UNC80: variants seen among roughly 807,000 people sequenced by gnomAD.
The protein encoded by UNC80 is protein unc-80 homolog.
In UNC80, 164 loss-of-function variants were observed where a neutral mutation model predicts 384.6. That is an observed-to-expected ratio of 0.43 (90% CI 0.38 to 0.49). The LOEUF (loss-of-function observed/expected upper bound fraction) is 0.49, where lower values mean the gene tolerates loss of function less well. Among genes scored for constraint, UNC80 ranks in the 20% least tolerant of loss-of-function variants. The pLI is 0.00. For synonymous variants in UNC80, 1,486 were observed against 1,527.8 expected (o/e 0.97, Z 0.64); for missense variants, 3,330 against 4,143.0 (o/e 0.80, Z 5.39).
At chr2:209,850,358 GTAT>G (rs1559197158) in intron 22 of UNC80, among the ~76,000 whole-genome samples, 2 of 152,042 alleles carry the variant, frequency 1.3e-5, no homozygotes. Context: ...AGGAAAAAAA[GTAT>G]TTTATTTTAA....
chr2:209,819,159 A>G lies in UNC80; in HGVS notation c.1860A>G (p.Arg620=), dbSNP rs760808412. 6.4e-7 allele frequency: 1 copy of G among 1,552,234 alleles called. No homozygotes were observed. Among genetic ancestry groups the G allele is most frequent in the Non-Finnish European group, 8.7e-7 (1 of 1,147,116 alleles). Reference sequence around the variant, plus strand: ...CTCTGGCATGTGCTAACCTACCTCGAAGCCTCACAGACTCCTGCATAAACT... The same window carrying G: ...CTCTGGCATGTGCTAACCTACCTCGGAGCCTCACAGACTCCTGCATAAACT... The part of the protein sequence containing the change: ...HEPLACANLP[R]SLTDSCINYS... The change falls in exon 12 of 65, where the codon CGA becomes CGG. Residue 620 remains arginine, a synonymous_variant. Coordinates refer to ENST00000673920, the MANE Select transcript of UNC80 (RefSeq NM_001371986.1).
chr2:209,847,485 A>T (rs1023066978), intron 21 of UNC80, among the ~76,000 whole-genome samples: 7 of 152,012 alleles, frequency 4.6e-5, no homozygotes, highest in African/African-American at 1.7e-4. Context: ...TCCTGTGCTT[A>T]TAGGATTCTG....
chr2:209,884,543 A>C (rs2085598854), intron 25 of UNC80, among the ~76,000 whole-genome samples: 1 of 152,210 alleles, frequency 6.6e-6, no homozygotes, highest in Non-Finnish European at 1.5e-5. Context: ...TTATACAAAA[A>C]TTAACTCAAG....
chr2:209,951,834 T>C (rs1395452596), intron 47 of UNC80, among the ~76,000 whole-genome samples: 1 of 152,118 alleles, frequency 6.6e-6, no homozygotes, highest in Non-Finnish European at 1.5e-5. Flanking sequence ...TGTATATGTA[T>C]TTTTTCCTCC....
At chr2:209,843,130 T>G (rs1349472663) in intron 21 of UNC80, among the ~76,000 whole-genome samples, 1 of 152,200 alleles carries the variant, frequency 6.6e-6, no homozygotes, top group Non-Finnish European at 1.5e-5. Flanking sequence ...TCTAGATCCA[T>G]CACCATTCTG....
chr2:209,976,047 G>A lies in UNC80; in HGVS notation c.8588-72G>A. ...GAAAATTTCTAAAGGTGCATAAAGG[G>A]CTCTGGATGTAGGTTGGGTTCCTCG... On this transcript the variant is annotated intron_variant, in intron 56 of 64. Transcript: ENST00000673920. The surrounding 1 kb of genome is among the most constrained non-coding windows in gnomAD (Gnocchi z 4.3). 3.4e-6 allele frequency: 5 copies of A among 1,454,320 alleles called. No individual in the cohort carries two copies. The highest frequency in any genetic ancestry group is 2.8e-5 in the South Asian group (2 of 71,978). The allele number at this position is 1,454,320 out of a possible 1,614,324, so 90.1% of individuals were successfully genotyped here. A position where few individuals can be genotyped will look rare whatever the true frequency, so the allele number is the denominator to read the frequency against.
intron 6 of UNC80, among the ~76,000 whole-genome samples, chr2:209,791,471 C>CCTG (rs1252107111): frequency 6.6e-6 from 1 of 152,072 alleles, no homozygotes; most frequent in African/African-American, 2.4e-5. Context: ...ACTTATAGTG[C>CCTG]CTGCTCATTT....
Position 209,878,049 on chromosome 2 carries a change from A to T in UNC80, c.3936A>T (p.Arg1312Ser), listed in dbSNP as rs2084936896. The T allele has an allele frequency of 6.5e-7, 1 of 1,544,392 alleles. No homozygotes were observed. Residue 1312 changes from arginine to serine, a missense_variant, in exon 24 of 65, where the codon AGA becomes AGT. By Grantham distance (110) the Arg-to-Ser change is moderately radical. This residue lies in a region of UNC80 where 801 missense variants were observed against 950.8 expected (regional missense o/e 0.84). Coordinates refer to ENST00000673920, the MANE Select transcript of UNC80 (RefSeq NM_001371986.1). ...TTTACGATGAAGAGACCAAGAGGAG[A>T]CTTAGAAAGGAGGATGAGGAGGAAG... ...GLIYDEETKRRLRKEDEEEDF... is the reference protein window; with the variant it reads ...GLIYDEETKRSLRKEDEEEDF...
chr2:209,977,203 GT>G, intron 58 of UNC80, 125 bp downstream of exon 58: 1 of 980,512 alleles, frequency 1.0e-6, no homozygotes, highest in Non-Finnish European at 1.4e-6. Context: ...TTGGTACACT[GT>G]TAGATTTGAC....
At chr2:209,922,467 T>C (rs996487716) in intron 35 of UNC80, 84 bp downstream of exon 35, 3 of 1,347,910 alleles carry the variant, frequency 2.2e-6, no homozygotes, top group African/African-American at 2.9e-5. Flanking sequence ...CTCACTTGAT[T>C]ACATTGTCTT....
At chr2:209,914,411 A>G (rs148379263) in intron 31 of UNC80, among the ~76,000 whole-genome samples, 177 of 152,342 alleles carry the variant, frequency 1.2e-3, no homozygotes, top group African/African-American at 4.0e-3. Context: ...CAAAATGTGT[A>G]TTCTTCATTT....
In UNC80 at chr2:209,849,491, T is replaced by C. The variant is rs1216393424; in HGVS notation, c.3495T>C (p.Asp1165=). 1.9e-6 allele frequency: 3 copies of C among 1,550,958 alleles called. No homozygotes were observed. The highest frequency in any genetic ancestry group is 2.6e-6 in the Non-Finnish European group (3 of 1,146,474). Residue 1165 remains aspartate (D), a synonymous_variant, in exon 22 of 65, where the codon GAT becomes GAC. Coordinates refer to ENST00000673920, the MANE Select transcript of UNC80 (RefSeq NM_001371986.1). ...ATGATCATCTCTCTCCCAACCAAGA[T>C]GGTGGAAAAAGCAAAAACGTGGTGA... The part of the protein sequence containing the change: ...SFDDHLSPNQ[D]GGKSKNVVNL...
Position 209,869,227 on chromosome 2 carries a change from C to T in UNC80, c.3628-3531C>T, listed in dbSNP as rs910314347. ...GCTGCTTCTTCAGATTGCACTGAGCCATAAGAGGTAAGCTCCATCAAAAGA... is the reference window on the plus strand; with the variant it reads ...GCTGCTTCTTCAGATTGCACTGAGCTATAAGAGGTAAGCTCCATCAAAAGA... On this transcript the variant is annotated intron_variant, in intron 22 of 64. Coordinates refer to ENST00000673920, the MANE Select transcript of UNC80 (RefSeq NM_001371986.1). 22 of 152,270 alleles carry T rather than the reference C, an allele frequency of 1.4e-4. 1 individual carries two copies. Among genetic ancestry groups the T allele is most frequent in the African/African-American group, 5.3e-4 (22 of 41,552 alleles). The allele number at this position is 152,270 out of a possible 1,614,324, so 9.4% of individuals were successfully genotyped here. A position where few individuals can be genotyped will look rare whatever the true frequency, so the allele number is the denominator to read the frequency against.
chr2:209,837,724 A>C (rs1207560663), intron 18 of UNC80, among the ~76,000 whole-genome samples: 1 of 151,942 alleles, frequency 6.6e-6, no homozygotes, highest in Non-Finnish European at 1.5e-5. Context: ...TCCTTTTTAA[A>C]GTTGACCAAT....
chr2:209,813,280 G>A (rs1176278917), intron 7 of UNC80, among the ~76,000 whole-genome samples: 1 of 152,122 alleles, frequency 6.6e-6, no homozygotes, highest in African/African-American at 2.4e-5. Flanking sequence ...TAAAATTCAT[G>A]CCTTTGTAGG....
chr2:209,916,126 A>T (rs760492049), intron 31 of UNC80, among the ~76,000 whole-genome samples: 37 of 152,216 alleles, frequency 2.4e-4, no homozygotes, highest in Non-Finnish European at 4.8e-4. Context: ...GGAAGGCCAA[A>T]GTTAGAGGTA....
chr2:209,847,975 T>C (rs1370607003), intron 21 of UNC80, among the ~76,000 whole-genome samples: 1 of 152,076 alleles, frequency 6.6e-6, no homozygotes, highest in Non-Finnish European at 1.5e-5. Flanking sequence ...AGGGACTGTT[T>C]ATACTTTTTA....
chr2:209,841,541 G>A (rs562977169), intron 20 of UNC80, among the ~76,000 whole-genome samples: 6 of 151,824 alleles, frequency 4.0e-5, no homozygotes, highest in African/African-American at 7.3e-5. Flanking sequence ...TAGTAGAGAC[G>A]GGGTTTCACC....
In UNC80 at chr2:209,819,066, A is replaced by G. The variant is rs1446998655; in HGVS notation, c.1767A>G (p.Ala589=). 1.8e-5 allele frequency: 28 copies of G among 1,551,876 alleles called. No homozygotes were observed. Among genetic ancestry groups the G allele is most frequent in the Non-Finnish European group, 2.4e-5 (28 of 1,147,076 alleles). ...TGGCGTCATTCAACGTAGGCTATGC[A>G]GACTTTTTCAATGAGCATATGAGGA... ...TTLASFNVGY[A]DFFNEHMRKL... The change falls in exon 12 of 65, where the codon GCA becomes GCG. Residue 589 remains alanine (A), a synonymous_variant. Transcript: ENST00000673920.
Sources: gnomAD v4.1 joint callset for allele counts (sites outside exome capture counted in the v4.1 genomes callset) on GRCh38, gnomAD v4.1.1 for gene constraint, gnomAD v4.1.1 regional missense constraint, Gnocchi (gnomAD v3.1) non-coding constraint, MANE v1.5 for transcripts, NCBI Gene and HGNC (gene_info 2026-07-23, HGNC 2026-07-21) for gene names.